Variants in KCNJ18 observed in about 807,000 individuals in gnomAD.
KCNJ18 encodes the protein inward rectifier potassium channel 18.
Under a neutral mutation model 17.3 loss-of-function variants are expected in KCNJ18, and 16 were observed. The ratio of observed to expected loss-of-function variants is 0.92; its 90% CI spans 0.62 to 1.40. The LOEUF is 1.40. KCNJ18 is among the 40% of genes most tolerant of loss of function. KCNJ18 has a pLI of 0.00. For missense variants in KCNJ18, 462 were observed against 626.8 expected (o/e 0.74, Z 2.81); for synonymous variants, 185 against 262.6 (o/e 0.70, Z 2.86).
At chr17:21,696,181 C>T (rs1905753239) in intron 2 of KCNJ18, 77 bp downstream of exon 2, 1 of 152,144 alleles carries the variant, frequency 6.6e-6, no homozygotes, top group South Asian at 2.1e-4. Flanking sequence ...ACATCCTTCA[C>T]CCCTCCACCC....
intron 2 of KCNJ18, among the ~76,000 whole-genome samples, chr17:21,699,968 C>G (rs1167374363): frequency 6.6e-6 from 1 of 152,284 alleles, no homozygotes; most frequent in Non-Finnish European, 1.5e-5. Flanking sequence ...GCCCCTGGGC[C>G]ACACAAATCC....
At chr17:21,701,632 A>G (rs1230914144) in intron 2 of KCNJ18, among the ~76,000 whole-genome samples, 2 of 152,234 alleles carry the variant, frequency 1.3e-5, no homozygotes, top group Non-Finnish European at 2.9e-5. Context: ...CAAGAAGCAA[A>G]AGAGAAAACG....
At chr17:21,699,884 TTC>T (rs1355505413) in intron 2 of KCNJ18, among the ~76,000 whole-genome samples, 1 of 152,258 alleles carries the variant, frequency 6.6e-6, no homozygotes, top group Non-Finnish European at 1.5e-5. Flanking sequence ...ATTCTTGTGA[TTC>T]TGTTCCTTGC....
rs1457153426 is a variant in KCNJ18, at chr17:21,702,191, T to G, written c.-56-540T>G. Among the ~76,000 whole-genome samples the G allele has an allele frequency of 6.0e-3, 818 of 136,064 alleles. 8 individuals carry two copies. The highest frequency in any genetic ancestry group is 0.011 in the Middle Eastern group (3 of 266). 89.3% of individuals were successfully genotyped at this position (136,064 alleles called of 152,430 possible). A position where few individuals can be genotyped will look rare whatever the true frequency, so the allele number is the denominator to read the frequency against. Reference sequence around the variant, plus strand: ...AGGGTGGGTTTGAGGGACAGCCTGGTGCCAGGGGCTGTGGCTGGATGGGGA... The same window carrying G: ...AGGGTGGGTTTGAGGGACAGCCTGGGGCCAGGGGCTGTGGCTGGATGGGGA... On this transcript the variant is annotated intron_variant, in intron 2 of 2. Coordinates refer to ENST00000567955, the MANE Select transcript of KCNJ18 (RefSeq NM_001194958.2).
rs1181320546 is a variant in KCNJ18, at chr17:21,702,803, G to A, written c.17G>A (p.Arg6Gln). 30,698 of 1,592,036 alleles carry A rather than the reference G, an allele frequency of 0.019. 903 individuals are homozygous for A. Among genetic ancestry groups the A allele is most frequent in the East Asian group, 0.16 (7,218 of 43,990 alleles). ...ACCCCCGGGATGACCGCGGCCAGCC[G>A]GGCCAACCCCTACAGCATCGTGTCA... MTAAS[R>Q]ANPYSIVSLE... Residue 6 changes from arginine (R) to glutamine (Q), a missense_variant, in exon 3 of 3, where the codon CGG becomes CAG. Arg to Gln is a conservative substitution (Grantham distance 43). Coordinates refer to ENST00000567955, the MANE Select transcript of KCNJ18 (RefSeq NM_001194958.2).
chr17:21,704,244 A>C lies in KCNJ18; in HGVS notation c.*156A>C, dbSNP rs1218062555. The C allele has an allele frequency of 1.0e-6, 1 of 979,860 alleles. No homozygotes were observed. Among genetic ancestry groups the C allele is most frequent in the African/African-American group, 1.6e-5 (1 of 60,996 alleles). 60.7% of individuals were successfully genotyped at this position (979,860 alleles called of 1,614,324 possible). A position where few individuals can be genotyped will look rare whatever the true frequency, so the allele number is the denominator to read the frequency against. ...TATGTTTCTTTGCAAAGGCCTCAGA[A>C]GGTTGGCCGGAGAGGGGGCAGCCAG... is the stretch of plus-strand genomic sequence containing the variant. On this transcript the variant is annotated 3_prime_UTR_variant, in exon 3 of 3. Transcript: ENST00000567955.
chr17:21,693,057 G>A (rs1282485291), intron 1 of KCNJ18, among the ~76,000 whole-genome samples: 8 of 152,414 alleles, frequency 5.2e-5, no homozygotes, highest in African/African-American at 1.7e-4. Flanking sequence ...GCCCTCAGTC[G>A]TGGTCATGGG....
At position 21,702,823 on chromosome 17, in the gene KCNJ18, G is replaced by C. The variant is rs1311454656; in HGVS notation, c.37G>C (p.Val13Leu). The part of the protein sequence containing the change: ...AASRANPYSI[V>L]SLEEDGLHLV... ...CAGCCGGGCCAACCCCTACAGCATC[G>C]TGTCATTGGAGGAGGACGGGCTGCA... Residue 13 changes from valine (V) to leucine (L), a missense_variant, in exon 3 of 3, where the codon GTG becomes CTG. By Grantham distance (32) the Val-to-Leu change is conservative. This residue lies in a region of KCNJ18 where 237 missense variants were observed against 259.4 expected (regional missense o/e 0.91). Coordinates refer to ENST00000567955, the MANE Select transcript of KCNJ18 (RefSeq NM_001194958.2). 2 of 1,594,034 alleles carry C rather than the reference G, an allele frequency of 1.3e-6. No individual in the cohort carries two copies. The highest frequency in any genetic ancestry group is 3.4e-5 in the Admixed American group (2 of 59,348).
intron 1 of KCNJ18, among the ~76,000 whole-genome samples, chr17:21,693,042 T>C (rs1367626240): frequency 6.6e-6 from 1 of 152,312 alleles, no homozygotes; most frequent in Non-Finnish European, 1.5e-5. Context: ...CAGCCCGGCC[T>C]GTTGGCCCTC....
At chr17:21,700,101 C>T (rs1285650747) in intron 2 of KCNJ18, among the ~76,000 whole-genome samples, 23 of 152,394 alleles carry the variant, frequency 1.5e-4, no homozygotes, top group African/African-American at 4.6e-4. Flanking sequence ...GGGGTCCCCC[C>T]TGCCGCCAGC....
chr17:21,693,632 G>A (rs1323811658), intron 1 of KCNJ18, among the ~76,000 whole-genome samples: 169 of 151,784 alleles, frequency 1.1e-3, no homozygotes, highest in African/African-American at 3.6e-3. Flanking sequence ...AGGGCTGTGA[G>A]CATCGGGATG....
At chr17:21,693,112 C>G (rs1477551375) in intron 1 of KCNJ18, among the ~76,000 whole-genome samples, 1 of 152,312 alleles carries the variant, frequency 6.6e-6, no homozygotes, top group African/African-American at 2.4e-5. Flanking sequence ...GGATTGTGAC[C>G]ATAACCCCGG....
chr17:21,698,034 T>C (rs1905821016), intron 2 of KCNJ18, among the ~76,000 whole-genome samples: 1 of 152,114 alleles, frequency 6.6e-6, no homozygotes. Context: ...CGAATGAGGG[T>C]GAGTGGCTGT....
intron 1 of KCNJ18, among the ~76,000 whole-genome samples, chr17:21,695,034 C>T (rs1246759609): frequency 1.3e-5 from 2 of 152,380 alleles, no homozygotes; most frequent in African/African-American, 2.4e-5. Flanking sequence ...CATCCATCCA[C>T]CCATCCATCC....
In KCNJ18 at chr17:21,702,867, C is replaced by T. The variant is rs1488186806; in HGVS notation, c.81C>T (p.Gly27=). 118 of 1,599,942 alleles carry T rather than the reference C, an allele frequency of 7.4e-5. No homozygotes were observed. Among genetic ancestry groups the T allele is most frequent in the Non-Finnish European group, 8.6e-5 (101 of 1,177,526 alleles). The change falls in exon 3 of 3, where the codon GGC becomes GGT. Residue 27 remains glycine (G), a synonymous_variant. Transcript: ENST00000567955. ...GGCTGCACCTGGTCACCATGTCGGG[C>T]GCCAACGGCTTCGGCAACGGCAAGG... ...EDGLHLVTMS[G]ANGFGNGKVH...
chr17:21,697,332 C>A (rs1216274375), intron 2 of KCNJ18, among the ~76,000 whole-genome samples: 1 of 152,312 alleles, frequency 6.6e-6, no homozygotes, highest in South Asian at 2.1e-4. Context: ...AGGAAGCCAT[C>A]ATGGCATTGG....
Position 21,703,611 on chromosome 17 carries a change from C to T in KCNJ18, c.825C>T (p.Asp275=), listed in dbSNP as rs1334524636. 71 of 1,612,646 alleles carry T rather than the reference C, an allele frequency of 4.4e-5. No homozygotes were observed. In the East Asian group the frequency reaches 4.5e-4, roughly 10 times the overall value. Residue 275 remains aspartate, a synonymous_variant, in exon 3 of 3, where the codon GAC becomes GAT. Coordinates refer to ENST00000567955, the MANE Select transcript of KCNJ18 (RefSeq NM_001194958.2). ...VSPITILHEI[D]EASPLFGISR... ...CCATCACCATCTTGCATGAAATTGACGAGGCCAGCCCGCTCTTCGGCATCA... is the reference window on the plus strand; with the variant it reads ...CCATCACCATCTTGCATGAAATTGATGAGGCCAGCCCGCTCTTCGGCATCA...
In KCNJ18 at chr17:21,702,965, T is replaced by C. The variant is rs1343815638; in HGVS notation, c.179T>C (p.Met60Thr). The C allele has an allele frequency of 6.3e-6, 10 of 1,594,742 alleles. No homozygotes were observed. Among genetic ancestry groups the C allele is most frequent in the Non-Finnish European group, 8.5e-6 (10 of 1,172,644 alleles). The change falls in exon 3 of 3, where the codon ATG becomes ACG. Residue 60 changes from methionine to threonine, a missense_variant. By Grantham distance (81) the Met-to-Thr change is moderately conservative (BLOSUM62 -1). Coordinates refer to ENST00000567955, the MANE Select transcript of KCNJ18 (RefSeq NM_001194958.2). ...NGQCNIAFAN[M>T]DEKSQRYLAD... ...CAGTGCAACATTGCGTTCGCCAACA[T>C]GGACGAGAAGTCACAGCGCTACCTG... is the stretch of plus-strand genomic sequence containing the variant.
intron 2 of KCNJ18, among the ~76,000 whole-genome samples, chr17:21,701,533 G>A (rs1905950384): frequency 2.0e-5 from 3 of 152,214 alleles, no homozygotes; most frequent in Admixed American, 2.0e-4. Context: ...GCATGTGGGT[G>A]TCAGGAGGGT....
Sources: gnomAD v4.1 joint callset for allele counts (sites outside exome capture counted in the v4.1 genomes callset) on GRCh38, gnomAD v4.1.1 for gene constraint, gnomAD v4.1.1 regional missense constraint, MANE v1.5 for transcripts, NCBI Gene and HGNC (gene_info 2026-07-23, HGNC 2026-07-21) for gene names.